Variants in GRIA4 observed in about 807,000 individuals in gnomAD.
GRIA4 encodes glutamate receptor 4.
GRIA4 carries 34 observed loss-of-function variants against 104.0 expected under a neutral mutation model. That is an observed-to-expected ratio of 0.33 (90% CI 0.25 to 0.44). GRIA4 has a LOEUF of 0.44. GRIA4 is among the 20% of genes least tolerant of loss of function. GRIA4 has a pLI of 1.00. For synonymous variants in GRIA4, 386 were observed against 381.9 expected (o/e 1.01, Z -0.13); for missense variants, 750 against 1,096.5 (o/e 0.68, Z 4.46).
intron 7 of GRIA4, among the ~76,000 whole-genome samples, chr11:105,901,419 C>A (rs1370826407): frequency 6.6e-6 from 1 of 152,128 alleles, no homozygotes; most frequent in Admixed American, 6.6e-5. Context: ...GAAATCATTT[C>A]ATCATTCTAA....
chr11:105,701,021 C>G (rs1275781604), intron 3 of GRIA4, among the ~76,000 whole-genome samples: 1 of 152,132 alleles, frequency 6.6e-6, no homozygotes, highest in Non-Finnish European at 1.5e-5. Context: ...TCTGAGTTAC[C>G]TGGTAACTTA....
chr11:105,847,550 A>AT (rs564008767), intron 4 of GRIA4, among the ~76,000 whole-genome samples: 239 of 152,182 alleles, frequency 1.6e-3, no homozygotes, highest in African/African-American at 4.9e-3. Flanking sequence ...AAAATACTGC[A>AT]TTTTTTTTGT....
intron 3 of GRIA4, among the ~76,000 whole-genome samples, chr11:105,735,384 A>G (rs1938870993): frequency 6.6e-6 from 1 of 152,186 alleles, no homozygotes; most frequent in South Asian, 2.1e-4. Context: ...TAAATATTTG[A>G]ATAATTAAAA....
At chr11:105,920,652 T>A (rs2136187974) in intron 11 of GRIA4, among the ~76,000 whole-genome samples, 1 of 152,250 alleles carries the variant, frequency 6.6e-6, no homozygotes, top group East Asian at 1.9e-4. Flanking sequence ...GCATAATTAG[T>A]GAAAAAGTTA....
chr11:105,725,068 G>A (rs898573771), intron 3 of GRIA4, among the ~76,000 whole-genome samples: 7 of 151,872 alleles, frequency 4.6e-5, no homozygotes, highest in Non-Finnish European at 5.9e-5. Flanking sequence ...TATAAAATGA[G>A]GATAATCAAT....
At chr11:105,950,091 T>C (rs1157990861) in intron 14 of GRIA4, among the ~76,000 whole-genome samples, 1 of 152,192 alleles carries the variant, frequency 6.6e-6, no homozygotes, top group Non-Finnish European at 1.5e-5. Flanking sequence ...AAAGCTTGAA[T>C]GTCAGAAAAG....
In GRIA4 at chr11:105,931,594, A is replaced by T. The variant is rs183740785; in HGVS notation, c.2047-2128A>T. 4.0e-3 allele frequency among the ~76,000 whole-genome samples: 602 copies of T among 152,124 alleles called. 2 individuals carry two copies. Among genetic ancestry groups the T allele is most frequent in the African/African-American group, 0.014 (573 of 41,530 alleles). ...GTGGCGGGTTTCTGTAATCACAGGT[A>T]CTCAGGAGGCTAAGACAGGAGAATT... On this transcript the variant is annotated intron_variant, in intron 13 of 16. Transcript: ENST00000282499.
intron 3 of GRIA4, among the ~76,000 whole-genome samples, chr11:105,727,269 C>T (rs549630393): frequency 8.2e-4 from 124 of 151,208 alleles, no homozygotes; most frequent in African/African-American, 2.8e-3. Flanking sequence ...ATCCATCAAG[C>T]GGAAGAAAGG....
intron 14 of GRIA4, among the ~76,000 whole-genome samples, chr11:105,964,802 T>G (rs946822409): frequency 6.0e-5 from 9 of 149,144 alleles, no homozygotes; most frequent in Non-Finnish European, 7.4e-5. Context: ...TTGTTTTTTT[T>G]TTGTTTGTTT....
chr11:105,647,195 G>C (rs1258466138), intron 3 of GRIA4, among the ~76,000 whole-genome samples: 1 of 152,106 alleles, frequency 6.6e-6, no homozygotes, highest in Non-Finnish European at 1.5e-5. Context: ...TATGAAAAAA[G>C]CTCAGTACCA....
At chr11:105,889,120 A>G (rs1454174180) in intron 6 of GRIA4, among the ~76,000 whole-genome samples, 2 of 152,170 alleles carry the variant, frequency 1.3e-5, no homozygotes, top group Non-Finnish European at 1.5e-5. Context: ...TCAATGTGTT[A>G]TATGTAGATT....
chr11:105,802,133 T>G (rs1414579776), intron 4 of GRIA4, among the ~76,000 whole-genome samples: 1 of 152,042 alleles, frequency 6.6e-6, no homozygotes, highest in Admixed American at 6.6e-5. Flanking sequence ...CAAAGCAAAC[T>G]TATAAGCCCA....
intron 4 of GRIA4, among the ~76,000 whole-genome samples, chr11:105,846,635 T>C (rs1944607079): frequency 6.6e-6 from 1 of 152,116 alleles, no homozygotes; most frequent in African/African-American, 2.4e-5. Flanking sequence ...GAATATAATA[T>C]TTGCTCTGAA....
chr11:105,805,781 G>A (rs184525162), intron 4 of GRIA4, among the ~76,000 whole-genome samples: 15 of 151,920 alleles, frequency 9.9e-5, no homozygotes, highest in Admixed American at 5.3e-4. Flanking sequence ...AAGCCTTCTC[G>A]ACACAAAGTG....
chr11:105,634,509 G>GA (rs1565420066), intron 3 of GRIA4, among the ~76,000 whole-genome samples: 58 of 63,542 alleles, frequency 9.1e-4, no homozygotes, highest in African/African-American at 2.5e-3. Context: ...AAGAAAGAAA[G>GA]AAAGAAGAAA....
intron 3 of GRIA4, among the ~76,000 whole-genome samples, chr11:105,700,125 C>T (rs1014818449): frequency 2.0e-5 from 3 of 152,168 alleles, no homozygotes; most frequent in African/African-American, 4.8e-5. Flanking sequence ...TGGTAATACA[C>T]GAAGAGTGCA....
At chr11:105,914,501 T>G (rs1399877547) in intron 10 of GRIA4, among the ~76,000 whole-genome samples, 1 of 152,128 alleles carries the variant, frequency 6.6e-6, no homozygotes, top group African/African-American at 2.4e-5. Context: ...CAGAAAAATC[T>G]CCTTGGTAGG....
intron 3 of GRIA4, among the ~76,000 whole-genome samples, chr11:105,719,524 T>C (rs1284120796): frequency 6.6e-6 from 1 of 152,166 alleles, no homozygotes; most frequent in Non-Finnish European, 1.5e-5. Context: ...GCTGAGCTTA[T>C]GTAGTCCAGG....
intron 4 of GRIA4, among the ~76,000 whole-genome samples, chr11:105,816,077 G>C (rs1943363196): frequency 1.3e-5 from 2 of 152,128 alleles, no homozygotes; most frequent in Admixed American, 1.3e-4. Context: ...AAGAACATAT[G>C]GGCTTTGGAT....
Sources: gnomAD v4.1 joint callset for allele counts (sites outside exome capture counted in the v4.1 genomes callset) on GRCh38, gnomAD v4.1.1 for gene constraint, MANE v1.5 for transcripts, NCBI Gene and HGNC (gene_info 2026-07-23, HGNC 2026-07-21) for gene names.